The following ERICH3 variants were observed in gnomAD, a reference collection of about 807,000 sequenced individuals.
ERICH3 encodes glutamate rich 3.
In ERICH3, 126 loss-of-function variants were observed where a neutral mutation model predicts 131.1. The ratio of observed to expected loss-of-function variants is 0.96; its 90% CI spans 0.83 to 1.11. The LOEUF (loss-of-function observed/expected upper bound fraction) is 1.11, where lower values mean the gene tolerates loss of function less well. Among genes scored for constraint, ERICH3 ranks in the 50% most tolerant of loss-of-function variants. The pLI, the probability that ERICH3 is intolerant of heterozygous loss-of-function variation, is 0.00. For missense variants in ERICH3, 2,050 were observed against 1,810.7 expected (o/e 1.13, Z -2.40); for synonymous variants, 695 against 644.6 (o/e 1.08, Z -1.18).
chr1:74,578,130 G>T (rs2100535177), intron 12 of ERICH3: 1 of 152,526 alleles, frequency 6.6e-6, no homozygotes, highest in South Asian at 2.1e-4. Flanking sequence ...TTGAGTAAAT[G>T]CTTTGGCCTA....
At chr1:74,621,371 G>A (rs1386616910) in intron 7 of ERICH3, 1 of 152,494 alleles carries the variant, frequency 6.6e-6, no homozygotes, top group African/African-American at 2.4e-5. Flanking sequence ...AATAGTTTTT[G>A]TAATTGGCTG....
At chr1:74,606,142 A>G (rs1648382135) in intron 10 of ERICH3, among the ~76,000 whole-genome samples, 1 of 151,798 alleles carries the variant, frequency 6.6e-6, no homozygotes, top group Non-Finnish European at 1.5e-5. Flanking sequence ...GCAGACAGAT[A>G]GGTTCCACAA....
At chr1:74,613,495 TTAA>T (rs1461579599) in intron 8 of ERICH3, among the ~76,000 whole-genome samples, 2 of 152,228 alleles carry the variant, frequency 1.3e-5, no homozygotes, top group African/African-American at 2.4e-5. Context: ...GATAAAGCAG[TTAA>T]TAATAAAAGG....
intron 1 of ERICH3, among the ~76,000 whole-genome samples, chr1:74,664,298 A>G (rs1265828897): frequency 8.9e-6 from 1 of 112,362 alleles, no homozygotes; most frequent in Non-Finnish European, 1.8e-5. Context: ...AGATAAATAC[A>G]AAAAGGAAGA....
chr1:74,606,744 T>G lies in ERICH3; in HGVS notation c.1346A>C (p.Lys449Thr). The G allele has an allele frequency of 6.2e-7, 1 of 1,613,510 alleles. No individual in the cohort carries two copies. Among genetic ancestry groups the G allele is most frequent in the Non-Finnish European group, 8.5e-7 (1 of 1,179,634 alleles). ...TGAAAATTTGGCTGAAACAGAGGTT[T>G]TGTTCTCCTTGATCTCATTTCTTTT... The part of the protein sequence containing the change: ...IPKRNEIKEN[K>T]TSVSAKFSAQ... The change falls in exon 10 of 15, where the codon AAA becomes ACA. Residue 449 changes from lysine (K) to threonine (T), a missense_variant. Lys to Thr is a moderately conservative substitution (Grantham distance 78). Transcript: ENST00000326665.
chr1:74,612,729 T>C lies in ERICH3; in HGVS notation c.1081A>G (p.Arg361Gly). ...TFFLNGMQVNRLSSCCEYKHR... is the reference protein window; with the variant it reads ...TFFLNGMQVNGLSSCCEYKHR... ...TTGTATTCACAACAGGAGCTTAACC[T>C]GTTCACCTGCATCCCATTCAGGAAA... is the stretch of plus-strand genomic sequence containing the variant. The change falls in exon 9 of 15, where the codon AGG becomes GGG. Residue 361 changes from arginine to glycine, a missense_variant. By Grantham distance (125) the Arg-to-Gly change is moderately radical (BLOSUM62 -2). Transcript: ENST00000326665. 3 of 1,606,216 alleles carry C rather than the reference T, an allele frequency of 1.9e-6. No homozygotes were observed. The highest frequency in any genetic ancestry group is 2.6e-6 in the Non-Finnish European group (3 of 1,173,970).
At chr1:74,612,226 T>C (rs1648730999) in intron 9 of ERICH3, among the ~76,000 whole-genome samples, 2 of 152,208 alleles carry the variant, frequency 1.3e-5, no homozygotes, top group African/African-American at 2.4e-5. Context: ...GTAAATCAGA[T>C]GCTTGGCACA....
intron 8 of ERICH3, among the ~76,000 whole-genome samples, chr1:74,613,863 G>A (rs1417501643): frequency 6.6e-6 from 1 of 151,412 alleles, no homozygotes; most frequent in East Asian, 1.9e-4. Context: ...TTCCTAAAAA[G>A]AAAAAAGAAA....
At chr1:74,654,863 G>A (rs910218426) in intron 1 of ERICH3, among the ~76,000 whole-genome samples, 4 of 152,074 alleles carry the variant, frequency 2.6e-5, no homozygotes, top group African/African-American at 7.2e-5. Flanking sequence ...AATATGTAAC[G>A]AATCATAGTG....
intron 7 of ERICH3, among the ~76,000 whole-genome samples, chr1:74,630,376 C>A: frequency 6.6e-6 from 1 of 152,172 alleles, no homozygotes; most frequent in East Asian, 1.9e-4. Flanking sequence ...TGGTCAAGGG[C>A]TTGCCAAATG....
intron 8 of ERICH3, among the ~76,000 whole-genome samples, chr1:74,615,015 A>AAATG (rs1032170113): frequency 3.9e-5 from 6 of 152,144 alleles, no homozygotes; most frequent in Non-Finnish European, 7.3e-5. Context: ...GCACTTAAGG[A>AAATG]AATGTTGAGA....
intron 10 of ERICH3, among the ~76,000 whole-genome samples, chr1:74,603,295 A>C (rs1648231608): frequency 6.6e-6 from 1 of 151,896 alleles, no homozygotes; most frequent in African/African-American, 2.4e-5. Context: ...TGTTTGAAAG[A>C]TTGAGCTTTG....
At position 74,579,358 on chromosome 1, in the gene ERICH3, A is replaced by G. The variant is rs1283205100; in HGVS notation, c.2177-2422T>C. The G allele has an allele frequency of 7.2e-6, 7 of 977,090 alleles. No individual in the cohort carries two copies. In the South Asian group the frequency reaches 1.9e-4, roughly 26 times the overall value. 60.5% of individuals were successfully genotyped at this position (977,090 alleles called of 1,614,324 possible). A position where few individuals can be genotyped will look rare whatever the true frequency, so the allele number is the denominator to read the frequency against. On this transcript the variant is annotated intron_variant, in intron 12 of 14. Transcript: ENST00000326665. ...GCAGGTACTGAACCAAAAGACTACT[A>G]TAAGAAGCCAAACAATACTAACATC...
chr1:74,661,150 C>A (rs1319644065), intron 1 of ERICH3, among the ~76,000 whole-genome samples: 1 of 151,984 alleles, frequency 6.6e-6, no homozygotes, highest in African/African-American at 2.4e-5. Flanking sequence ...TTCTTATGAG[C>A]AGTAGTAAGA....
chr1:74,572,023 G>C lies in ERICH3; in HGVS notation c.3687C>G (p.Ala1229=). Residue 1229 remains alanine, a synonymous_variant, in exon 14 of 15, where the codon GCC becomes GCG. Transcript: ENST00000326665. Reference sequence around the variant, plus strand: ...CTGTGGCTGGGATCAGCCCCTCAGGGGCCTGCACCTTTCCTGCTGGCTCAG... The same window carrying C: ...CTGTGGCTGGGATCAGCCCCTCAGGCGCCTGCACCTTTCCTGCTGGCTCAG... ...PEAEPAGKVQ[A]PEGLIPATGQ... 4 of 1,614,084 alleles carry C rather than the reference G, an allele frequency of 2.5e-6. No homozygotes were observed. The highest frequency in any genetic ancestry group is 3.4e-6 in the Non-Finnish European group (4 of 1,180,026).
chr1:74,612,247 C>G (rs529597342), intron 9 of ERICH3, among the ~76,000 whole-genome samples: 1 of 152,250 alleles, frequency 6.6e-6, no homozygotes, highest in East Asian at 1.9e-4. Context: ...CACTTTAAGG[C>G]TCAGTCTAAA....
Position 74,631,751 on chromosome 1 carries a change from T to G in ERICH3, c.781A>C (p.Thr261Pro), listed in dbSNP as rs199818050. Residue 261 changes from threonine (T) to proline (P), a missense_variant, in exon 7 of 15, where the codon ACC (threonine) becomes CCC (proline). Transcript: ENST00000326665. ...GGTTCTAAGCCATTTGGAGCAGTGGTTGGACGAAATCTTCTCCTTCTCCAT... is the reference window on the plus strand; with the variant it reads ...GGTTCTAAGCCATTTGGAGCAGTGGGTGGACGAAATCTTCTCCTTCTCCAT... ...ETWRRRRFRP[T>P]TAPNGLEPLL... 3.7e-6 allele frequency: 6 copies of G among 1,613,530 alleles called. No homozygotes were observed. The highest frequency in any genetic ancestry group is 5.1e-6 in the Non-Finnish European group (6 of 1,179,588).
chr1:74,622,523 C>T (rs1413274615), intron 7 of ERICH3: 1 of 152,224 alleles, frequency 6.6e-6, no homozygotes, highest in Non-Finnish European at 1.5e-5. Flanking sequence ...CTGTGTGCAG[C>T]CCACTGCACA....
At chr1:74,668,560 T>G (rs2100661189) in intron 1 of ERICH3, among the ~76,000 whole-genome samples, 1 of 152,326 alleles carries the variant, frequency 6.6e-6, no homozygotes, top group Admixed American at 6.5e-5. Context: ...GATCACTATG[T>G]GATTTTTGGC....
Sources: allele counts gnomAD v4.1 joint callset (sites outside exome capture counted in the v4.1 genomes callset), GRCh38; gene constraint gnomAD v4.1.1; transcripts MANE v1.5; gene names NCBI Gene and HGNC (gene_info 2026-07-23, HGNC 2026-07-21).